Variants in CLPB observed in about 807,000 individuals in gnomAD.
The protein encoded by CLPB is ClpB family mitochondrial disaggregase.
CLPB carries 40 observed loss-of-function variants against 78.4 expected under a neutral mutation model. The ratio of observed to expected loss-of-function variants is 0.51; its 90% CI spans 0.40 to 0.66. The LOEUF (loss-of-function observed/expected upper bound fraction) is 0.66. CLPB is among the 30% of genes least tolerant of loss of function. The pLI is 0.00. For synonymous variants in CLPB, 333 were observed against 348.0 expected (o/e 0.96, Z 0.48); for missense variants, 780 against 886.9 (o/e 0.88, Z 1.53).
chr11:72,429,401 A>T (rs904804249), intron 2 of CLPB, among the ~76,000 whole-genome samples: 2 of 152,208 alleles, frequency 1.3e-5, no homozygotes, highest in Non-Finnish European at 2.9e-5. Flanking sequence ...CTGCTTTTCA[A>T]CACTTTCTTG....
intron 5 of CLPB, among the ~76,000 whole-genome samples, chr11:72,349,628 T>C (rs533230837): frequency 6.6e-6 from 1 of 152,264 alleles, no homozygotes; most frequent in South Asian, 2.1e-4. Flanking sequence ...GCCCTGACTT[T>C]CAGATTGACA....
intron 5 of CLPB, among the ~76,000 whole-genome samples, chr11:72,349,980 G>A (rs1298136247): frequency 6.6e-6 from 1 of 152,240 alleles, no homozygotes; most frequent in Non-Finnish European, 1.5e-5. Context: ...GCTTGGAGCC[G>A]ATTAAAGCCT....
intron 3 of CLPB, 142 bp downstream of exon 3, chr11:72,402,824 G>A: frequency 1.6e-6 from 1 of 643,832 alleles, no homozygotes; most frequent in South Asian, 1.9e-5. Context: ...AATGCACCAG[G>A]TGAAGTCCAG....
chr11:72,359,279 CAA>C, intron 4 of CLPB: 1 of 582,344 alleles, frequency 1.7e-6, no homozygotes, highest in East Asian at 3.5e-5. Context: ...ACCTAACTGA[CAA>C]GGGAGGCAGA....
chr11:72,387,014 T>C (rs1054660162), intron 3 of CLPB, among the ~76,000 whole-genome samples: 1 of 152,176 alleles, frequency 6.6e-6, no homozygotes, highest in Non-Finnish European at 1.5e-5. Context: ...CAATGTCTGA[T>C]AGAGAAGTAG....
intron 7 of CLPB, among the ~76,000 whole-genome samples, chr11:72,314,433 C>A (rs947785021): frequency 1.3e-5 from 2 of 152,174 alleles, no homozygotes; most frequent in Middle Eastern, 3.4e-3. Flanking sequence ...AGTTGTATTC[C>A]CAGTATGCTG....
Position 72,312,811 on chromosome 11 carries a change from C to T in CLPB, c.989-4207G>A, listed in dbSNP as rs1180485729. On this transcript the variant is annotated intron_variant, in intron 7 of 15. Transcript: ENST00000538039. This position sits in a 1 kb window ranked among gnomAD's most constrained non-coding sequence, Gnocchi z 4.2. ...TCACAAAGAGGCCTCAAAAAAGGTG[C>T]GTGCCATAGAGGTAAAGGCTGCTAT... Among the ~76,000 whole-genome samples the T allele has an allele frequency of 6.6e-6, 1 of 152,110 alleles. No homozygotes were observed. The highest frequency in any genetic ancestry group is 2.4e-5 in the African/African-American group (1 of 41,424).
At chr11:72,384,632 G>A (rs1855023310) in intron 3 of CLPB, among the ~76,000 whole-genome samples, 2 of 152,120 alleles carry the variant, frequency 1.3e-5, no homozygotes, top group Admixed American at 6.5e-5. Flanking sequence ...AGACCCTACT[G>A]TATGTTACCT....
At position 72,288,505 on chromosome 11, in the gene CLPB, C is replaced by G. The variant is rs1949415560; in HGVS notation, c.*4862G>C. On this transcript the variant is annotated 3_prime_UTR_variant, in exon 16 of 16. Transcript: ENST00000538039. Reference sequence around the variant, plus strand: ...CTCTGTCTCAAAAAACAAAACAAAACAAAAGAAATCTGGGTCTCACCTTGC... The same window carrying G: ...CTCTGTCTCAAAAAACAAAACAAAAGAAAAGAAATCTGGGTCTCACCTTGC... 1 of 152,212 alleles carries G rather than the reference C, an allele frequency of 6.6e-6. No homozygotes were observed. The highest frequency in any genetic ancestry group is 2.4e-5 in the African/African-American group (1 of 41,396). 9.4% of individuals were successfully genotyped at this position (152,212 alleles called of 1,614,324 possible). A position where few individuals can be genotyped will look rare whatever the true frequency, so the allele number is the denominator to read the frequency against.
chr11:72,409,336 C>T lies in CLPB; in HGVS notation c.456-6284G>A, dbSNP rs145255248. Among the ~76,000 whole-genome samples the T allele has an allele frequency of 8.5e-5, 13 of 152,284 alleles. No homozygotes were observed. In the East Asian group the frequency reaches 1.9e-3, roughly 23 times the overall value. On this transcript the variant is annotated intron_variant, in intron 2 of 15. Coordinates refer to ENST00000538039, the MANE Select transcript of CLPB (RefSeq NM_001258392.3). ...TGGTGGCTCACACCTGTAATCCCAG[C>T]ACTTTGAGAGGCCGAGGTGAACAGA...
At chr11:72,361,026 C>T (rs1950829075) in intron 4 of CLPB, among the ~76,000 whole-genome samples, 1 of 152,126 alleles carries the variant, frequency 6.6e-6, no homozygotes, top group Non-Finnish European at 1.5e-5. Context: ...ATCCTGTTTT[C>T]CTGTTTGGGT....
At chr11:72,385,629 C>T (rs1173018735) in intron 3 of CLPB, among the ~76,000 whole-genome samples, 2 of 152,148 alleles carry the variant, frequency 1.3e-5, no homozygotes, top group African/African-American at 2.4e-5. Context: ...TCGAGACCAG[C>T]CTGGCCAACA....
chr11:72,388,869 T>C (rs933285894), intron 3 of CLPB, among the ~76,000 whole-genome samples: 4 of 151,836 alleles, frequency 2.6e-5, no homozygotes, highest in African/African-American at 4.8e-5. Context: ...AGAAACACGG[T>C]AGAAGGCTAG....
intron 7 of CLPB, among the ~76,000 whole-genome samples, chr11:72,311,222 C>T (rs559519362): frequency 3.9e-5 from 6 of 152,172 alleles, no homozygotes; most frequent in Admixed American, 3.3e-4. Context: ...GCAGGGTGGC[C>T]GAGGACCAAG....
chr11:72,357,521 A>G (rs1331858906), intron 5 of CLPB, among the ~76,000 whole-genome samples: 2 of 151,234 alleles, frequency 1.3e-5, no homozygotes, highest in African/African-American at 4.9e-5. Flanking sequence ...ACATGGAGAA[A>G]CCCTGTCTCT....
intron 2 of CLPB, among the ~76,000 whole-genome samples, chr11:72,411,591 A>G (rs551400798): frequency 2.8e-4 from 42 of 152,336 alleles, no homozygotes; most frequent in African/African-American, 9.9e-4. Context: ...ACTCAGCAAG[A>G]CTTCCAACGA....
At chr11:72,349,816 G>T (rs1950580934) in intron 5 of CLPB, among the ~76,000 whole-genome samples, 1 of 152,360 alleles carries the variant, frequency 6.6e-6, no homozygotes, top group African/African-American at 2.4e-5. Context: ...GCTGTTTCCA[G>T]GCTCAGTGCA....
At chr11:72,401,357 C>T (rs1414070602) in intron 3 of CLPB, among the ~76,000 whole-genome samples, 1 of 152,110 alleles carries the variant, frequency 6.6e-6, no homozygotes, top group African/African-American at 2.4e-5. Flanking sequence ...AGTGGAATTG[C>T]TTGAACCTGG....
chr11:72,390,435 C>CA (rs534485326), intron 3 of CLPB, among the ~76,000 whole-genome samples: 3,796 of 50,104 alleles, frequency 0.076, 91 homozygotes, highest in Middle Eastern at 0.11. Context: ...GAGACTGTCT[C>CA]AAAAAAAAAA....
Sources: gnomAD v4.1 joint callset for allele counts (sites outside exome capture counted in the v4.1 genomes callset) on GRCh38, gnomAD v4.1.1 for gene constraint, Gnocchi (gnomAD v3.1) non-coding constraint, MANE v1.5 for transcripts, NCBI Gene and HGNC (gene_info 2026-07-23, HGNC 2026-07-21) for gene names.